The following LPIN1 variants were observed in gnomAD, a reference collection of about 807,000 sequenced individuals.
The protein encoded by LPIN1 is phosphatidate phosphatase LPIN1.
In LPIN1, 71 loss-of-function variants were observed where a neutral mutation model predicts 107.5. The ratio of observed to expected loss-of-function variants is 0.66; its 90% confidence interval spans 0.55 to 0.80. The LOEUF is 0.80. Among genes scored for constraint, LPIN1 ranks in the 30% least tolerant of loss-of-function variants. The pLI, the probability that LPIN1 is intolerant of heterozygous loss-of-function variation, is 0.00. For missense variants in LPIN1, 1,043 were observed against 1,160.6 expected, an observed-to-expected ratio of 0.90 and a Z score of 1.47; for synonymous variants, 445 against 452.6, an observed-to-expected ratio of 0.98 and a Z score of 0.21.
intron 4 of LPIN1, among the ~76,000 whole-genome samples, chr2:11,773,199 T>C (rs1280901925): frequency 6.6e-6 from 1 of 152,226 alleles, no homozygotes; most frequent in East Asian, 1.9e-4. Context: ...CAAAATGTGA[T>C]CAGCGTATGG....
chr2:11,686,338 T>C (rs1662000203), intron 1 of LPIN1, among the ~76,000 whole-genome samples: 1 of 152,132 alleles, frequency 6.6e-6, no homozygotes, highest in South Asian at 2.1e-4. Context: ...GGGTGGGATG[T>C]GCCTGGAGAA....
chr2:11,708,704 C>T lies in LPIN1; in HGVS notation c.82-5052C>T, dbSNP rs149329509. ...TTTGGTATAATCCAGGCATTTGATA[C>T]GTAAGAAAGCTGACCCAAAGAGGGG... On this transcript the variant is annotated intron_variant, in intron 1 of 21. Transcript: ENST00000449576. Among the ~76,000 whole-genome samples, 28 of 152,090 alleles carry T rather than the reference C, an allele frequency of 1.8e-4. 2 individuals carry two copies. Among genetic ancestry groups the T allele is most frequent in the South Asian group, 1.5e-3 (7 of 4,810 alleles).
intron 7 of LPIN1, among the ~76,000 whole-genome samples, chr2:11,780,456 A>G (rs760116011): frequency 7.9e-5 from 12 of 152,184 alleles, no homozygotes; most frequent in Non-Finnish European, 1.3e-4. Flanking sequence ...AGGCTAATAG[A>G]ACAGAAATGA....
At chr2:11,779,923 C>T (rs1286269770) in intron 7 of LPIN1, among the ~76,000 whole-genome samples, 2 of 151,734 alleles carry the variant, frequency 1.3e-5, no homozygotes, top group Admixed American at 6.6e-5. Flanking sequence ...CTCTGTCACC[C>T]GGGCTGGAGG....
chr2:11,788,279 AG>A, intron 11 of LPIN1, 107 bp from the exon 12 acceptor site: 1 of 799,898 alleles, frequency 1.3e-6, no homozygotes, highest in Non-Finnish European at 2.2e-6. Context: ...GAGCTCTTTA[AG>A]GGCCTCGCTG....
chr2:11,823,197 G>A (rs181447999), intron 20 of LPIN1: 1 of 152,440 alleles, frequency 6.6e-6, no homozygotes, highest in African/African-American at 2.4e-5. Context: ...CTGCCTGCTT[G>A]GGAGGAGCAC....
At chr2:11,728,802 A>G (rs1664916759) in intron 1 of LPIN1, among the ~76,000 whole-genome samples, 1 of 152,010 alleles carries the variant, frequency 6.6e-6, no homozygotes, top group Non-Finnish European at 1.5e-5. Flanking sequence ...ATATCTCTTA[A>G]ATACTTTTTA....
chr2:11,781,201 G>T (rs1444981546), intron 7 of LPIN1, among the ~76,000 whole-genome samples: 1 of 152,182 alleles, frequency 6.6e-6, no homozygotes, highest in African/African-American at 2.4e-5. Context: ...AGAGTAGTCT[G>T]TTGAGGCCAA....
At chr2:11,797,786 A>G (rs1049889897) in intron 14 of LPIN1, among the ~76,000 whole-genome samples, 2 of 152,188 alleles carry the variant, frequency 1.3e-5, no homozygotes, top group African/African-American at 4.8e-5. Context: ...TTTTGAGTTA[A>G]TGCTGAAATG....
intron 1 of LPIN1, among the ~76,000 whole-genome samples, chr2:11,693,786 GTGTATATATATA>G (rs1357290860): frequency 2.3e-5 from 1 of 44,040 alleles, no homozygotes; most frequent in African/African-American, 1.0e-4. Flanking sequence ...GTGTGTGAGT[GTGTATATATATA>G]TATATATATA....
intron 17 of LPIN1, among the ~76,000 whole-genome samples, chr2:11,810,647 A>G (rs1679490777): frequency 1.3e-5 from 2 of 152,180 alleles, no homozygotes; most frequent in Non-Finnish European, 2.9e-5. Context: ...ACTGACGGAC[A>G]TATGGCAGTG....
upstream of LPIN1, chr2:11,746,623 G>A (rs1023473268): frequency 8.1e-6 from 8 of 985,380 alleles, no homozygotes; most frequent in Non-Finnish European, 9.6e-6. Flanking sequence ...ACAGCCGGCG[G>A]CGGGCTGGGT....
intron 1 of LPIN1, among the ~76,000 whole-genome samples, chr2:11,708,109 G>A (rs536151086): frequency 2.6e-5 from 4 of 152,164 alleles, no homozygotes; most frequent in African/African-American, 9.6e-5. Context: ...CTAACTAACA[G>A]GACAGAGAAG....
intron 1 of LPIN1, among the ~76,000 whole-genome samples, chr2:11,683,714 C>T (rs1040376209): frequency 2.6e-5 from 4 of 152,286 alleles, no homozygotes; most frequent in East Asian, 1.9e-4. Context: ...TTGCCCTGCC[C>T]TGCCCTGCAC....
chr2:11,710,570 T>C (rs1572366756), intron 1 of LPIN1, among the ~76,000 whole-genome samples: 1 of 152,218 alleles, frequency 6.6e-6, no homozygotes, highest in Non-Finnish European at 1.5e-5. Context: ...ATGACCTTCA[T>C]CCAGGAGTAG....
rs1043425217 is a variant in LPIN1 at position 11,741,184 on chromosome 2, A to T, written c.-71-165A>T. 43 of 506,852 alleles carry T rather than the reference A, an allele frequency of 8.5e-5. 1 individual carries two copies. The highest frequency in any genetic ancestry group is 7.8e-4 in the African/African-American group (40 of 51,064). 31.4% of individuals were successfully genotyped at this position (506,852 alleles called of 1,614,324 possible). A position where few individuals can be genotyped will look rare whatever the true frequency, so the allele number is the denominator to read the frequency against. On this transcript the variant is annotated intron_variant, in intron 1 of 21. Coordinates refer to the LPIN1 transcript ENST00000396097. ...AGAGATGTCAGCCCTGAGGCTTAGC[A>T]TCCCCATAGAGGGACTGACCAGGAG...
At chr2:11,770,445 G>T (rs1420534054) in intron 3 of LPIN1, among the ~76,000 whole-genome samples, 1 of 152,114 alleles carries the variant, frequency 6.6e-6, no homozygotes, top group Non-Finnish European at 1.5e-5. Context: ...ACAGCAAAGG[G>T]CCCTTCTCTG....
intron 13 of LPIN1, among the ~76,000 whole-genome samples, chr2:11,793,847 G>A (rs1676209799): frequency 6.6e-6 from 1 of 152,158 alleles, no homozygotes; most frequent in South Asian, 2.1e-4. Context: ...ACTTCATGAG[G>A]CAGAGACCAT....
chr2:11,698,264 C>A (rs1046310872), intron 1 of LPIN1, among the ~76,000 whole-genome samples: 4 of 152,216 alleles, frequency 2.6e-5, no homozygotes, highest in African/African-American at 9.6e-5. Context: ...AGCTTTGCTG[C>A]AGGTTGCAGC....
Sources: allele counts gnomAD v4.1 joint callset (sites outside exome capture counted in the v4.1 genomes callset), GRCh38; gene constraint gnomAD v4.1.1; transcripts MANE v1.5; gene names NCBI Gene and HGNC (gene_info 2026-07-23, HGNC 2026-07-21).